The following STK32A variants were observed in gnomAD, a reference collection of about 807,000 sequenced individuals.
STK32A encodes the protein serine/threonine-protein kinase 32A.
STK32A carries 41 observed loss-of-function variants against 53.2 expected under a neutral mutation model. That is an observed-to-expected ratio of 0.77 (90% CI 0.60 to 1.00). STK32A has a LOEUF of 1.00. Ranked by LOEUF, STK32A falls within the 50% of genes least tolerant of loss-of-function variation. The pLI, the probability that STK32A is intolerant of heterozygous loss-of-function variation, is 0.00. For missense variants in STK32A, 458 were observed against 485.8 expected (o/e 0.94, Z 0.54); for synonymous variants, 166 against 162.8 (o/e 1.02, Z -0.15).
At chr5:147,297,032 A>G (rs1752899677) in intron 4 of STK32A, among the ~76,000 whole-genome samples, 1 of 152,134 alleles carries the variant, frequency 6.6e-6, no homozygotes, top group Admixed American at 6.6e-5. Context: ...ATTTTGTTCA[A>G]ATTCTTTCTT....
intron 8 of STK32A, 130 bp downstream of exon 8, chr5:147,361,744 A>AT: frequency 1.4e-6 from 1 of 697,076 alleles, no homozygotes; most frequent in East Asian, 2.7e-5. Flanking sequence ...TGTGATGTTG[A>AT]TAACACCCCT....
chr5:147,259,899 C>CCA (rs1436537813), intron 2 of STK32A, among the ~76,000 whole-genome samples: 1 of 122,270 alleles, frequency 8.2e-6, no homozygotes, highest in South Asian at 2.6e-4. Context: ...CTTTCTCTCT[C>CCA]CTCTCTCTCT....
At chr5:147,374,332 G>C (rs540897065) in intron 10 of STK32A, among the ~76,000 whole-genome samples, 2 of 152,018 alleles carry the variant, frequency 1.3e-5, no homozygotes, top group African/African-American at 4.8e-5. Flanking sequence ...GGCATTTGCT[G>C]TGGGAATGTG....
intron 7 of STK32A, among the ~76,000 whole-genome samples, chr5:147,357,343 T>C (rs116232599): frequency 5.1e-4 from 78 of 152,220 alleles, no homozygotes; most frequent in African/African-American, 1.9e-3. Flanking sequence ...AAAAATGATA[T>C]GACATTATGA....
chr5:147,316,720 G>A lies in STK32A; in HGVS notation c.261-7178G>A, dbSNP rs192210476. On this transcript the variant is annotated intron_variant, in intron 4 of 12. Transcript: ENST00000397936. ...AAAATTAAAATATCAGCTGAGCATTGTGGTGTACATCTTTAGTCCTAGCCA... is the reference window on the plus strand; with the variant it reads ...AAAATTAAAATATCAGCTGAGCATTATGGTGTACATCTTTAGTCCTAGCCA... Among the ~76,000 whole-genome samples, 8 of 152,078 alleles carry A rather than the reference G, an allele frequency of 5.3e-5. No individual in the cohort carries two copies. In the East Asian group the frequency reaches 7.7e-4, roughly 15 times the overall value.
At chr5:147,277,632 A>C (rs929819720) in intron 2 of STK32A, among the ~76,000 whole-genome samples, 1 of 152,214 alleles carries the variant, frequency 6.6e-6, no homozygotes, top group African/African-American at 2.4e-5. Context: ...CAAGGAGAAC[A>C]TTTTAAAGTG....
chr5:147,345,975 C>G (rs1490194175), intron 6 of STK32A, among the ~76,000 whole-genome samples: 2 of 152,142 alleles, frequency 1.3e-5, no homozygotes, highest in Non-Finnish European at 2.9e-5. Flanking sequence ...GAGCCATTTT[C>G]TAAACATTGC....
chr5:147,361,494 G>A (rs535947149), intron 7 of STK32A, 23 bp from the exon 8 acceptor site: 2 of 1,547,808 alleles, frequency 1.3e-6, no homozygotes, highest in Non-Finnish European at 8.9e-7. Flanking sequence ...AATCAAACTG[G>A]TTTAATTTTT....
At chr5:147,333,516 A>G (rs1754973639) in intron 5 of STK32A, among the ~76,000 whole-genome samples, 1 of 152,230 alleles carries the variant, frequency 6.6e-6, no homozygotes, top group African/African-American at 2.4e-5. Context: ...GCCAGTTACC[A>G]GTGGGGCAAC....
At position 147,373,279 on chromosome 5, in the gene STK32A, A is replaced by C. The variant is rs754764803; in HGVS notation, c.888A>C (p.Pro296=). Residue 296 remains proline (P), a synonymous_variant, in exon 10 of 13, where the codon CCA becomes CCC. Coordinates refer to ENST00000397936, the MANE Select transcript of STK32A (RefSeq NM_001112724.2). ...CAGTTTTTCAGAAGAGGCTCATTCC[A>C]GGTTTCATTCCTAATGTGAGTCAAT... ...WDAVFQKRLI[P]GFIPNKGRLN... 6.2e-7 allele frequency: 1 copy of C among 1,613,314 alleles called. No homozygotes were observed. Among genetic ancestry groups the C allele is most frequent in the Non-Finnish European group, 8.5e-7 (1 of 1,179,524 alleles).
intron 4 of STK32A, among the ~76,000 whole-genome samples, chr5:147,281,924 A>G (rs1170741297): frequency 6.6e-6 from 1 of 152,180 alleles, no homozygotes. Context: ...CAGAAACCCT[A>G]CAAGCTAGAA....
intron 6 of STK32A, among the ~76,000 whole-genome samples, chr5:147,350,143 C>A (rs1028804550): frequency 4.0e-5 from 6 of 150,330 alleles, no homozygotes; most frequent in East Asian, 2.0e-4. Flanking sequence ...TTAAAAAAAA[C>A]CTAAAGTTAA....
At position 147,384,494 on chromosome 5, in the gene STK32A, A is replaced by C. The variant is rs1009507733; in HGVS notation, c.*511A>C. 4 of 1,377,362 alleles carry C rather than the reference A, an allele frequency of 2.9e-6. No individual in the cohort carries two copies. 85.3% of individuals were successfully genotyped at this position (1,377,362 alleles called of 1,614,324 possible). On this transcript the variant is annotated 3_prime_UTR_variant, in exon 13 of 13. Coordinates refer to ENST00000397936, the MANE Select transcript of STK32A (RefSeq NM_001112724.2). ...AGATAAGGAATTCTATCAGGGAGGC[A>C]TGAATGGAATCAGATTAAAAGTAAC... is the stretch of plus-strand genomic sequence containing the variant.
the STK32A span, chr5:147,394,080 G>T: frequency 1.4e-5 from 22 of 1,614,036 alleles, no homozygotes; most frequent in Non-Finnish European, 1.9e-5. Context: ...GGGGCGCCAC[G>T]ATGCGCTTGC....
intron 9 of STK32A, 79 bp from the exon 10 acceptor site, chr5:147,373,090 C>A: frequency 6.4e-7 from 1 of 1,569,624 alleles, no homozygotes. Context: ...CAGTTGAAAG[C>A]ATTTAGAGGG....
chr5:147,259,798 T>A (rs578106404), intron 2 of STK32A, among the ~76,000 whole-genome samples: 16 of 151,096 alleles, frequency 1.1e-4, no homozygotes, highest in African/African-American at 3.9e-4. Flanking sequence ...CTCTCTTCTC[T>A]GTCTCTGTCC....
chr5:147,374,210 C>A (rs977152131), intron 10 of STK32A, among the ~76,000 whole-genome samples: 1 of 150,958 alleles, frequency 6.6e-6, no homozygotes. Context: ...ATCACTTAAG[C>A]CCAGGAGTTT....
chr5:147,249,331 T>C (rs1003565616), intron 2 of STK32A, among the ~76,000 whole-genome samples: 1 of 152,042 alleles, frequency 6.6e-6, no homozygotes, highest in Admixed American at 6.6e-5. Flanking sequence ...AATAAAAAAA[T>C]TGTCCAGGTA....
At chr5:147,356,897 C>T (rs1756274325) in intron 7 of STK32A, among the ~76,000 whole-genome samples, 1 of 152,054 alleles carries the variant, frequency 6.6e-6, no homozygotes, top group African/African-American at 2.4e-5. Context: ...AGTAAAAATC[C>T]TGTTAGCAGA....
Sources: allele counts gnomAD v4.1 joint callset (sites outside exome capture counted in the v4.1 genomes callset), GRCh38; gene constraint gnomAD v4.1.1; transcripts MANE v1.5; gene names NCBI Gene and HGNC (gene_info 2026-07-23, HGNC 2026-07-21).